The following SLC25A3 variants were observed in gnomAD, a reference collection of about 807,000 sequenced individuals.
The protein encoded by SLC25A3 is solute carrier family 25 member 3, also known as phosphate transport protein.
SLC25A3 carries 14 observed loss-of-function variants against 37.1 expected under a neutral mutation model. The ratio of observed to expected loss-of-function variants is 0.38; its 90% CI spans 0.25 to 0.59. The LOEUF is 0.59. SLC25A3 is among the 20% of genes least tolerant of loss of function. The pLI, the probability that SLC25A3 is intolerant of heterozygous loss-of-function variation, is 0.67. For missense variants in SLC25A3, 385 were observed against 458.1 expected, an observed-to-expected ratio of 0.84 and a Z score of 1.46; for synonymous variants, 161 against 168.7, an observed-to-expected ratio of 0.95 and a Z score of 0.36.
At chr12:98,600,223 A>T (rs1027855314) in intron 6 of SLC25A3, 96 bp downstream of exon 6, 4 of 907,900 alleles carry the variant, frequency 4.4e-6, no homozygotes, top group Non-Finnish European at 7.2e-6. Context: ...TCCAAAGGTT[A>T]TAAAGCAGTG....
chr12:98,600,933 T>G (rs2097597350), intron 6 of SLC25A3: 3 of 441,982 alleles, frequency 6.8e-6, no homozygotes, highest in South Asian at 2.3e-5. Flanking sequence ...GCACCATTTT[T>G]TTGTTGTTGT....
Position 98,603,696 on chromosome 12 carries a change from C to A in SLC25A3, c.*2168C>A, listed in dbSNP as rs1407016568. 5 of 152,108 alleles carry A rather than the reference C, an allele frequency of 3.3e-5. No homozygotes were observed. The highest frequency in any genetic ancestry group is 1.2e-4 in the African/African-American group (5 of 41,412). 9.4% of individuals were successfully genotyped at this position (152,108 alleles called of 1,614,324 possible). On this transcript the variant is annotated 3_prime_UTR_variant, in exon 8 of 8. Coordinates refer to ENST00000552981, the MANE Select transcript of SLC25A3 (RefSeq NM_002635.4). Reference sequence around the variant, plus strand: ...TAGGTTTTATTTGTGGGCATTGATACAAAATACGCTGTGTTCAAGCTATGG... The same window carrying A: ...TAGGTTTTATTTGTGGGCATTGATAAAAAATACGCTGTGTTCAAGCTATGG...
rs1388722670 is a variant in SLC25A3, at chr12:98,606,200, G to A, written c.*4672G>A. The stretch of plus-strand genomic sequence containing the variant: ...TCTCAAAGTAATTGTAAAAAATCCT[G>A]GATATCACATAGTTGAGAAACAAAG... On this transcript the variant is annotated 3_prime_UTR_variant, in exon 8 of 8. Coordinates refer to ENST00000552981, the MANE Select transcript of SLC25A3 (RefSeq NM_002635.4). 6.6e-6 allele frequency: 1 copy of A among 152,082 alleles called. No individual in the cohort carries two copies. Among genetic ancestry groups the A allele is most frequent in the African/African-American group, 2.4e-5 (1 of 41,378 alleles). The allele number at this position is 152,082 out of a possible 1,614,324, so 9.4% of individuals were successfully genotyped here.
Position 98,593,862 on chromosome 12 carries a change from C to T in SLC25A3, c.-4-113C>T. 3.2e-6 allele frequency: 4 copies of T among 1,241,064 alleles called. No individual in the cohort carries two copies. In the South Asian group the frequency reaches 3.8e-5, roughly 12 times the overall value. 76.9% of individuals were successfully genotyped at this position (1,241,064 alleles called of 1,614,324 possible). The stretch of plus-strand genomic sequence containing the variant: ...AGCCTCTTTCGAAGGCCGCCGTGAC[C>T]TCTTCAAGGGCGTGGAGACGGGAAG... On this transcript the variant is annotated intron_variant, in intron 1 of 7. Coordinates refer to ENST00000552981, the MANE Select transcript of SLC25A3 (RefSeq NM_002635.4).
rs935241580 is a variant in SLC25A3, at chr12:98,602,841, C to G, written c.*1313C>G. On this transcript the variant is annotated 3_prime_UTR_variant, in exon 8 of 8. Coordinates refer to ENST00000552981, the MANE Select transcript of SLC25A3 (RefSeq NM_002635.4). Reference sequence around the variant, plus strand: ...TCCCTACGTAAAGCGTACAGATGGCCTGGAGAGAAAAACTTTTTCAGAGAT... The same window carrying G: ...TCCCTACGTAAAGCGTACAGATGGCGTGGAGAGAAAAACTTTTTCAGAGAT... The G allele has an allele frequency of 6.6e-6, 1 of 152,156 alleles. No homozygotes were observed. Among genetic ancestry groups the G allele is most frequent in the Admixed American group, 6.5e-5 (1 of 15,272 alleles). The allele number at this position is 152,156 out of a possible 1,614,324, so 9.4% of individuals were successfully genotyped here.
In SLC25A3 at chr12:98,595,519, G is replaced by A. The variant is rs2097592248; in HGVS notation, c.158-208G>A. The A allele has an allele frequency of 3.7e-6, 6 of 1,614,040 alleles. No individual in the cohort carries two copies. The highest frequency in any genetic ancestry group is 5.1e-6 in the Non-Finnish European group (6 of 1,179,946). On this transcript the variant is annotated intron_variant, in intron 2 of 7. Coordinates refer to ENST00000552981, the MANE Select transcript of SLC25A3 (RefSeq NM_002635.4). ...TATTAGCTGTGGCACAACACATACA[G>A]CATTGGTTCCTCTAGATCTGGTTAA...
In SLC25A3 at chr12:98,598,713, C is replaced by T. The variant is rs764254626; in HGVS notation, c.641+10C>T. ...AAGAAGGCCTAAAAGCGTAAGTAAA[C>T]ACTTAAAAATTTATACTATGAAAGT... On this transcript the variant is annotated intron_variant, in intron 5 of 7. Transcript: ENST00000552981. 2.5e-6 allele frequency: 4 copies of T among 1,608,164 alleles called. No individual in the cohort carries two copies. Among genetic ancestry groups the T allele is most frequent in the Admixed American group, 3.3e-5 (2 of 59,934 alleles).
At position 98,601,641 on chromosome 12, in the gene SLC25A3, T is replaced by A; in HGVS notation, c.*113T>A. On this transcript the variant is annotated 3_prime_UTR_variant, in exon 8 of 8. Transcript: ENST00000552981. The stretch of plus-strand genomic sequence containing the variant: ...GGAAATTGTCTATTCCTGATATAAT[T>A]ACTGTAGTACTCTTGCTTAAGGCAA... 1.4e-6 allele frequency: 1 copy of A among 737,726 alleles called. No individual in the cohort carries two copies. The highest frequency in any genetic ancestry group is 1.5e-5 in the South Asian group (1 of 67,874). The allele number at this position is 737,726 out of a possible 1,614,324, so 45.7% of individuals were successfully genotyped here.
At position 98,601,773 on chromosome 12, in the gene SLC25A3, A is replaced by T. The variant is rs997386772; in HGVS notation, c.*245A>T. 2 of 493,718 alleles carry T rather than the reference A, an allele frequency of 4.1e-6. No homozygotes were observed. The highest frequency in any genetic ancestry group is 6.9e-5 in the Admixed American group (2 of 29,142). The allele number at this position is 493,718 out of a possible 1,614,324, so 30.6% of individuals were successfully genotyped here. A position where few individuals can be genotyped will look rare whatever the true frequency, so the allele number is the denominator to read the frequency against. On this transcript the variant is annotated 3_prime_UTR_variant, in exon 8 of 8. Transcript: ENST00000552981. ...TTTAGCTTTAAAATAGTTGGAAAGA[A>T]TGAAGTATATAAGTTAAGGAAAAAA...
rs774903460 is a variant in SLC25A3 at position 98,594,148 on chromosome 12, C to T, written c.157+13C>T. The T allele has an allele frequency of 3.7e-6, 6 of 1,601,828 alleles. No individual in the cohort carries two copies. The highest frequency in any genetic ancestry group is 3.4e-6 in the Non-Finnish European group (4 of 1,172,804). ...GCCGCCGTGGAAGGTGAGATCAGAC[C>T]CTGCCCAATACAGTCGTGTGGTCTA... On this transcript the variant is annotated intron_variant, in intron 2 of 7. Coordinates refer to ENST00000552981, the MANE Select transcript of SLC25A3 (RefSeq NM_002635.4).
rs542319800 is a variant in SLC25A3, at chr12:98,605,408, C to CA, written c.*3889dup. 4.2e-5 allele frequency: 6 copies of CA among 143,382 alleles called. No homozygotes were observed. The highest frequency in any genetic ancestry group is 2.1e-4 in the East Asian group (1 of 4,688). 8.9% of individuals were successfully genotyped at this position (143,382 alleles called of 1,614,324 possible). On this transcript the variant is annotated 3_prime_UTR_variant, in exon 8 of 8. Transcript: ENST00000552981. ...TGGGCGACAGAGTGAAACCCTGTCT[C>CA]AAAAAAAAAGTAACATTTCTATATG...
rs997756627 is a variant in SLC25A3 at position 98,602,210 on chromosome 12, A to G, written c.*682A>G. Reference sequence around the variant, plus strand: ...AGACGGAGTTTCACTCTTGTTGCCCAGACGAGTGTAGTGTCGCGATCTCGC... The same window carrying G: ...AGACGGAGTTTCACTCTTGTTGCCCGGACGAGTGTAGTGTCGCGATCTCGC... On this transcript the variant is annotated 3_prime_UTR_variant, in exon 8 of 8. Transcript: ENST00000552981. The G allele has an allele frequency of 1.1e-4, 17 of 152,406 alleles. No individual in the cohort carries two copies. Among genetic ancestry groups the G allele is most frequent in the African/African-American group, 4.1e-4 (17 of 41,296 alleles). 9.4% of individuals were successfully genotyped at this position (152,406 alleles called of 1,614,324 possible).
chr12:98,595,966 A>G, intron 3 of SLC25A3, 118 bp downstream of exon 3: 1 of 919,488 alleles, frequency 1.1e-6, no homozygotes, highest in Non-Finnish European at 1.8e-6. Flanking sequence ...GAAACCACAT[A>G]GAATTTCTTT....
intron 5 of SLC25A3, among the ~76,000 whole-genome samples, chr12:98,599,339 C>T (rs2097595758): frequency 6.6e-6 from 1 of 152,232 alleles, no homozygotes; most frequent in South Asian, 2.1e-4. Flanking sequence ...AGGCGTGAGA[C>T]ACCGCGTCTG....
chr12:98,594,355 T>C, intron 2 of SLC25A3: 2 of 702,630 alleles, frequency 2.8e-6, no homozygotes, highest in Middle Eastern at 2.4e-4. Context: ...TGAGGCCCTG[T>C]GTCCCTTCGT....
In SLC25A3 at chr12:98,604,943, A is replaced by T. The variant is rs2097600447; in HGVS notation, c.*3415A>T. The T allele has an allele frequency of 6.6e-6, 1 of 152,176 alleles. No individual in the cohort carries two copies. Among genetic ancestry groups the T allele is most frequent in the Non-Finnish European group, 1.5e-5 (1 of 68,102 alleles). 9.4% of individuals were successfully genotyped at this position (152,176 alleles called of 1,614,324 possible). ...TGTCTGGCTAATGTTTTTTATTTTT[A>T]GCAGAAATGAGGTCTTGCTATGTTG... On this transcript the variant is annotated 3_prime_UTR_variant, in exon 8 of 8. Coordinates refer to ENST00000552981, the MANE Select transcript of SLC25A3 (RefSeq NM_002635.4).
At chr12:98,600,690 G>T (rs2097597153) in intron 6 of SLC25A3, among the ~76,000 whole-genome samples, 1 of 152,194 alleles carries the variant, frequency 6.6e-6, no homozygotes, top group South Asian at 2.1e-4. Flanking sequence ...GGGATTACAG[G>T]CGTGAGCCAC....
Position 98,593,969 on chromosome 12 carries a change from C to T in SLC25A3, c.-4-6C>T, listed in dbSNP as rs751893841. 12 of 1,613,874 alleles carry T rather than the reference C, an allele frequency of 7.4e-6. No individual in the cohort carries two copies. The highest frequency in any genetic ancestry group is 4.0e-5 in the African/African-American group (3 of 75,058). ...GTCCTCTAACCGTCGCTCCCTCCTC[C>T]CCTAGAAAGATGTTCTCGTCCGTGG... On this transcript the variant is annotated splice_region_variant and splice_polypyrimidine_tract_variant and intron_variant, in intron 1 of 7. Coordinates refer to ENST00000552981, the MANE Select transcript of SLC25A3 (RefSeq NM_002635.4).
intron 3 of SLC25A3, among the ~76,000 whole-genome samples, 178 bp downstream of exon 3, chr12:98,596,026 T>C (rs540534564): frequency 6.6e-6 from 1 of 152,368 alleles, no homozygotes; most frequent in African/African-American, 2.4e-5. Flanking sequence ...TAAATGCCTC[T>C]ATTGTTTGAG....
Sources: allele counts gnomAD v4.1 joint callset (sites outside exome capture counted in the v4.1 genomes callset), GRCh38; gene constraint gnomAD v4.1.1; transcripts MANE v1.5; gene names NCBI Gene and HGNC (gene_info 2026-07-23, HGNC 2026-07-21).